Variants in DAZAP1 observed in about 807,000 individuals in gnomAD.
DAZAP1 encodes the protein DAZ associated protein 1, also known as DAZ-associated protein 1.
In DAZAP1, 6 loss-of-function variants were observed where a neutral mutation model predicts 60.1. The ratio of observed to expected loss-of-function variants is 0.10; its 90% CI spans 0.05 to 0.20. The LOEUF (loss-of-function observed/expected upper bound fraction) is 0.20. Ranked by LOEUF, DAZAP1 falls within the 10% of genes least tolerant of loss-of-function variation. DAZAP1 has a pLI of 1.00. For missense variants in DAZAP1, 366 were observed against 560.4 expected (o/e 0.65, Z 3.50); for synonymous variants, 235 against 215.9 (o/e 1.09, Z -0.78).
rs940110482 is a variant in DAZAP1, at chr19:1,432,337, G to A, written c.872-177G>A. ...GGAGTGTGTGTTTCCTGGGGGGAGC[G>A]GCCCGGGACCGTGGCTCTGTGGTCC... On this transcript the variant is annotated intron_variant, in intron 10 of 11. Transcript: ENST00000233078. The surrounding 1 kb of genome is among the most constrained non-coding windows in gnomAD (Gnocchi z 4.9). 23 of 674,376 alleles carry A rather than the reference G, an allele frequency of 3.4e-5. No individual in the cohort carries two copies. The highest frequency in any genetic ancestry group is 3.8e-4 in the Middle Eastern group (1 of 2,660). The allele number at this position is 674,376 out of a possible 1,614,324, so 41.8% of individuals were successfully genotyped here.
chr19:1,410,787 GGA>G (rs999349618), intron 1 of DAZAP1, among the ~76,000 whole-genome samples: 18 of 152,334 alleles, frequency 1.2e-4, no homozygotes, highest in African/African-American at 4.1e-4. Flanking sequence ...TCATGGAACT[GGA>G]GAGAGAGGTT....
At position 1,422,706 on chromosome 19, in the gene DAZAP1, T is replaced by A. The variant is rs2083193025; in HGVS notation, c.463+310T>A. ...GAGTGTGGTCCTTCTGCATTTGACCTTCCTTCACCCTCATCCAGTCCTCCC... is the reference window on the plus strand; with the variant it reads ...GAGTGTGGTCCTTCTGCATTTGACCATCCTTCACCCTCATCCAGTCCTCCC... On this transcript the variant is annotated intron_variant, in intron 6 of 11. Coordinates refer to ENST00000233078, the MANE Select transcript of DAZAP1 (RefSeq NM_018959.4). This position sits in a 1 kb window ranked among gnomAD's most constrained non-coding sequence, Gnocchi z 4.5. Among the ~76,000 whole-genome samples, 1 of 152,154 alleles carries A rather than the reference T, an allele frequency of 6.6e-6. No homozygotes were observed.
In DAZAP1 at chr19:1,428,674, ATTT is replaced by A. The variant is rs896933670; in HGVS notation, c.547-164_547-162del. ...AAACAAAAAAATTCAACACAAAAGA[ATTT>A]TTTAAGAAAAAAATGCTACTGGCCT... On this transcript the variant is annotated intron_variant, in intron 7 of 11. Coordinates refer to ENST00000233078, the MANE Select transcript of DAZAP1 (RefSeq NM_018959.4). The surrounding 1 kb of genome is among the most constrained non-coding windows in gnomAD (Gnocchi z 4.0). 4 of 863,414 alleles carry A rather than the reference ATTT, an allele frequency of 4.6e-6. No homozygotes were observed. In the African/African-American group the frequency reaches 7.0e-5, roughly 15 times the overall value. 53.5% of individuals were successfully genotyped at this position (863,414 alleles called of 1,614,324 possible). A position where few individuals can be genotyped will look rare whatever the true frequency, so the allele number is the denominator to read the frequency against.
intron 5 of DAZAP1, among the ~76,000 whole-genome samples, chr19:1,421,975 G>A (rs546812912): frequency 3.3e-5 from 5 of 152,222 alleles, no homozygotes; most frequent in South Asian, 2.1e-4. Context: ...TTTGCTTCCC[G>A]CGTTTGGGTG....
At chr19:1,408,738 G>C (rs2082738273) in intron 1 of DAZAP1, among the ~76,000 whole-genome samples, 1 of 152,248 alleles carries the variant, frequency 6.6e-6, no homozygotes, top group South Asian at 2.1e-4. Flanking sequence ...CCTCCTATAG[G>C]AGCCTGACCT....
Position 1,418,176 on chromosome 19 carries a change from T to G in DAZAP1, c.71-28T>G, listed in dbSNP as rs1569057491. ...TGCCTAATGCTCTGGCCCTGTGTGT[T>G]TGTGTTTTCTTCCCGATTTCTGAGC... On this transcript the variant is annotated intron_variant, in intron 2 of 11. Coordinates refer to ENST00000233078, the MANE Select transcript of DAZAP1 (RefSeq NM_018959.4). This position sits in a 1 kb window ranked among gnomAD's most constrained non-coding sequence, Gnocchi z 5.7. 6.2e-7 allele frequency: 1 copy of G among 1,612,650 alleles called. No individual in the cohort carries two copies. The highest frequency in any genetic ancestry group is 1.3e-5 in the African/African-American group (1 of 75,000).
chr19:1,416,095 G>C lies in DAZAP1; in HGVS notation c.30-1405G>C, dbSNP rs935023030. On this transcript the variant is annotated intron_variant, in intron 1 of 11. Transcript: ENST00000233078. This position sits in a 1 kb window ranked among gnomAD's most constrained non-coding sequence, Gnocchi z 4.3. Reference sequence around the variant, plus strand: ...CTGAGTGTACAGGCCCCAGGTGGTGGTTGATGAGAGGTGATGAGTGTGCCA... The same window carrying C: ...CTGAGTGTACAGGCCCCAGGTGGTGCTTGATGAGAGGTGATGAGTGTGCCA... 1 of 152,258 alleles carries C rather than the reference G, an allele frequency of 6.6e-6. No homozygotes were observed. 9.4% of individuals were successfully genotyped at this position (152,258 alleles called of 1,614,324 possible).
In DAZAP1 at chr19:1,422,206, A is replaced by C. The variant is rs936814396; in HGVS notation, c.415-142A>C. The C allele has an allele frequency of 2.6e-5, 18 of 694,864 alleles. No individual in the cohort carries two copies. The highest frequency in any genetic ancestry group is 4.1e-4 in the Middle Eastern group (1 of 2,442). 43.0% of individuals were successfully genotyped at this position (694,864 alleles called of 1,614,324 possible). ...TTCTCAGACAGCAGCCCCACGGAGC[A>C]GCTGTTGCCCGTGCACCTCCCCCGC... On this transcript the variant is annotated intron_variant, in intron 5 of 11. Transcript: ENST00000233078. The surrounding 1 kb of genome is among the most constrained non-coding windows in gnomAD (Gnocchi z 4.5).
intron 1 of DAZAP1, among the ~76,000 whole-genome samples, chr19:1,410,491 G>A (rs560464482): frequency 2.2e-4 from 34 of 152,338 alleles, no homozygotes; most frequent in African/African-American, 7.7e-4. Context: ...CTCAGAGCAC[G>A]CGCGATCAGG....
At chr19:1,412,065 C>T (rs1569037895) in intron 1 of DAZAP1, among the ~76,000 whole-genome samples, 1 of 152,164 alleles carries the variant, frequency 6.6e-6, no homozygotes, top group South Asian at 2.1e-4. Flanking sequence ...CCTGGGAGGG[C>T]GGGGCTGGCA....
chr19:1,433,577 G>A lies in DAZAP1; in HGVS notation c.1048+887G>A. The A allele has an allele frequency of 3.3e-6, 2 of 610,996 alleles. No homozygotes were observed. The highest frequency in any genetic ancestry group is 5.7e-5 in the Admixed American group (2 of 34,942). The allele number at this position is 610,996 out of a possible 1,614,324, so 37.8% of individuals were successfully genotyped here. On this transcript the variant is annotated intron_variant, in intron 11 of 11. Coordinates refer to ENST00000233078, the MANE Select transcript of DAZAP1 (RefSeq NM_018959.4). This position sits in a 1 kb window ranked among gnomAD's most constrained non-coding sequence, Gnocchi z 6.1. ...CCCCCACGCCCAGGCCTTGGGCCGA[G>A]GTTGCCGCATGTGTGGGTTCTTGAC... is the stretch of plus-strand genomic sequence containing the variant.
At chr19:1,420,336 C>T (rs910599610) in intron 4 of DAZAP1, among the ~76,000 whole-genome samples, 63 of 126,778 alleles carry the variant, frequency 5.0e-4, no homozygotes, top group Middle Eastern at 4.0e-3. Context: ...TGAAACCACC[C>T]CGAACGTCAC....
At chr19:1,421,086 C>A in intron 4 of DAZAP1, 62 bp from the exon 5 acceptor site, 1 of 1,491,260 alleles carries the variant, frequency 6.7e-7, no homozygotes, top group Non-Finnish European at 9.3e-7. Flanking sequence ...ATGTCCTCCG[C>A]AGCTCGCGGG....
chr19:1,418,812 G>A lies in DAZAP1; in HGVS notation c.303+81G>A, dbSNP rs1485467242. 1.4e-6 allele frequency: 2 copies of A among 1,431,156 alleles called. No homozygotes were observed. Among genetic ancestry groups the A allele is most frequent in the Admixed American group, 2.2e-5 (1 of 45,996 alleles). 88.7% of individuals were successfully genotyped at this position (1,431,156 alleles called of 1,614,324 possible). On this transcript the variant is annotated intron_variant, in intron 4 of 11. Transcript: ENST00000233078. The surrounding 1 kb of genome is among the most constrained non-coding windows in gnomAD (Gnocchi z 5.7). ...AAATGCGTGCCTTCAATCTGCTGTT[G>A]TCGCTCGTTAAGATTGAGGGCGACG...
At position 1,434,745 on chromosome 19, in the gene DAZAP1, G is replaced by A; in HGVS notation, c.1057G>A (p.Gly353Arg). The A allele has an allele frequency of 1.9e-6, 3 of 1,612,240 alleles. No individual in the cohort carries two copies. Among genetic ancestry groups the A allele is most frequent in the East Asian group, 4.5e-5 (2 of 44,706 alleles). The change falls in exon 12 of 12, where the codon GGG becomes AGG. Residue 353 changes from glycine to arginine, a missense_variant. Gly to Arg is a moderately radical substitution (Grantham distance 125). Coordinates refer to ENST00000233078, the MANE Select transcript of DAZAP1 (RefSeq NM_018959.4). This position sits in a 1 kb window ranked among gnomAD's most constrained non-coding sequence, Gnocchi z 8.0. ...DFPYGQYAGY[G>R]QDLSGFGQGF... is the part of the protein sequence containing the mutation. ...AGGACTTTCTCCCCCAGCAGGTTAC[G>A]GGCAGGACTTGAGTGGCTTCGGACA...
At chr19:1,408,340 C>T (rs2082724751) in intron 1 of DAZAP1, among the ~76,000 whole-genome samples, 1 of 150,830 alleles carries the variant, frequency 6.6e-6, no homozygotes, top group South Asian at 2.1e-4. Context: ...TGCGGGGAGT[C>T]CAGGGCGCCG....
At chr19:1,407,852 C>A in intron 1 of DAZAP1, 50 bp downstream of exon 1, 1 of 1,054,464 alleles carries the variant, frequency 9.5e-7, no homozygotes, top group South Asian at 4.4e-5. Flanking sequence ...CCCGGCCCGC[C>A]GCTCCCCGCC....
Position 1,428,922 on chromosome 19 carries a change from G to C in DAZAP1, c.627G>C (p.Arg209=), listed in dbSNP as rs1040032879. Residue 209 remains arginine (R), a synonymous_variant, in exon 8 of 12, where the codon CGG becomes CGC. Transcript: ENST00000233078. This position sits in a 1 kb window ranked among gnomAD's most constrained non-coding sequence, Gnocchi z 4.0. ...GQPGASQWGS[R]VVPNAANGWA... ...CAGGTGCCAGCCAGTGGGGGAGCCG[G>C]GTTGTGCCCAACGCTGCCAATGGCT... 1 of 1,612,854 alleles carries C rather than the reference G, an allele frequency of 6.2e-7. No individual in the cohort carries two copies. Among genetic ancestry groups the C allele is most frequent in the Admixed American group, 1.7e-5 (1 of 59,974 alleles).
In DAZAP1 at chr19:1,418,380, C is replaced by T. The variant is rs371703152; in HGVS notation, c.237+10C>T. The T allele has an allele frequency of 1.2e-6, 2 of 1,609,926 alleles. No homozygotes were observed. The highest frequency in any genetic ancestry group is 1.3e-5 in the African/African-American group (1 of 74,854). On this transcript the variant is annotated intron_variant, in intron 3 of 11. Transcript: ENST00000233078. This position sits in a 1 kb window ranked among gnomAD's most constrained non-coding sequence, Gnocchi z 5.7. ...GCTAGATGGCCGAAACGTAAGTGCC[C>T]TTCCGGGAGCTCACACCCGCTCTCT...
Sources: gnomAD v4.1 joint callset for allele counts (sites outside exome capture counted in the v4.1 genomes callset) on GRCh38, gnomAD v4.1.1 for gene constraint, Gnocchi (gnomAD v3.1) non-coding constraint, MANE v1.5 for transcripts, NCBI Gene and HGNC (gene_info 2026-07-23, HGNC 2026-07-21) for gene names.